The following HIP1 variants were observed in gnomAD, a reference collection of about 807,000 sequenced individuals.
HIP1 encodes the protein huntingtin interacting protein 1.
Under a neutral mutation model 147.6 loss-of-function variants are expected in HIP1, and 65 were observed. The ratio of observed to expected loss-of-function variants is 0.44; its 90% CI spans 0.36 to 0.54. The LOEUF is 0.54. Ranked by LOEUF, HIP1 falls within the 20% of genes least tolerant of loss-of-function variation. The probability of loss-of-function intolerance (pLI) is 0.00; values close to 1 mark genes in which losing one functional copy is unlikely to be tolerated. For missense variants in HIP1, 1,061 were observed against 1,299.6 expected, an observed-to-expected ratio of 0.82 and a Z score of 2.82; for synonymous variants, 479 against 504.0, an observed-to-expected ratio of 0.95 and a Z score of 0.67.
intron 1 of HIP1, among the ~76,000 whole-genome samples, chr7:75,720,145 GT>G (rs1403461066): frequency 6.6e-6 from 1 of 151,946 alleles, no homozygotes; most frequent in East Asian, 1.9e-4. Flanking sequence ...TTTTTGTTTT[GT>G]TTTGTTTTTG....
At chr7:75,690,820 C>G (rs1800425193) in intron 1 of HIP1, among the ~76,000 whole-genome samples, 1 of 152,008 alleles carries the variant, frequency 6.6e-6, no homozygotes, top group African/African-American at 2.4e-5. Context: ...CGAGATCGCG[C>G]CATTTGCACT....
rs1272706798 is a variant in HIP1 at position 75,639,339 on chromosome 7, G to A, written c.121-40092C>T. On this transcript the variant is annotated intron_variant, in intron 1 of 30. Transcript: ENST00000336926. ...GGGCGGGGGAGGCGCGGCCCCGCCG[G>A]CAGAGACCGGCGCGCCCGAGCCCCC... 1.5e-3 allele frequency: 503 copies of A among 327,518 alleles called. 2 individuals carry two copies. Among genetic ancestry groups the A allele is most frequent in the African/African-American group, 0.011 (473 of 44,226 alleles). The allele number at this position is 327,518 out of a possible 1,614,324, so 20.3% of individuals were successfully genotyped here. A position where few individuals can be genotyped will look rare whatever the true frequency, so the allele number is the denominator to read the frequency against.
At chr7:75,553,623 G>C (rs1055934168) in intron 21 of HIP1, 34 bp from the exon 22 acceptor site, 47 of 1,594,994 alleles carry the variant, frequency 2.9e-5, no homozygotes, top group Non-Finnish European at 3.9e-5. Context: ...CTTTTTTTTT[G>C]AGATGGAGTC....
chr7:75,692,859 T>A (rs1475128082), intron 1 of HIP1, among the ~76,000 whole-genome samples: 1 of 152,056 alleles, frequency 6.6e-6, no homozygotes. Flanking sequence ...TAGTAAATAA[T>A]CAGTGTATAA....
chr7:75,591,882 C>G (rs587698472), intron 4 of HIP1, among the ~76,000 whole-genome samples, 174 bp downstream of exon 4: 11 of 152,250 alleles, frequency 7.2e-5, no homozygotes, highest in Admixed American at 6.5e-4. Flanking sequence ...CCAGGCAAGA[C>G]TATGGATATC....
At chr7:75,667,138 G>GA (rs1305119470) in intron 1 of HIP1, among the ~76,000 whole-genome samples, 6 of 151,944 alleles carry the variant, frequency 3.9e-5, no homozygotes, top group South Asian at 2.1e-4. Flanking sequence ...TAATTAACAG[G>GA]AAAAAAATGT....
At chr7:75,647,293 G>C (rs1290384714) in intron 1 of HIP1, among the ~76,000 whole-genome samples, 1 of 150,068 alleles carries the variant, frequency 6.7e-6, no homozygotes, top group Non-Finnish European at 1.5e-5. Context: ...AGCTACACGG[G>C]AGACTGAGGC....
chr7:75,563,862 T>C (rs1795315944), intron 9 of HIP1, among the ~76,000 whole-genome samples: 1 of 152,226 alleles, frequency 6.6e-6, no homozygotes, highest in African/African-American at 2.4e-5. Context: ...TGGGTGGATA[T>C]GCACATGAAG....
intron 1 of HIP1, among the ~76,000 whole-genome samples, chr7:75,606,282 C>T (rs1485910903): frequency 2.0e-5 from 3 of 152,112 alleles, no homozygotes; most frequent in Non-Finnish European, 2.9e-5. Context: ...CTCCGGGTTA[C>T]AGGGAGACAG....
intron 1 of HIP1, among the ~76,000 whole-genome samples, chr7:75,658,526 G>A (rs1253655678): frequency 6.6e-6 from 1 of 152,134 alleles, no homozygotes; most frequent in Non-Finnish European, 1.5e-5. Flanking sequence ...GCTGAATTTT[G>A]CGGGCAGGAA....
intron 2 of HIP1, among the ~76,000 whole-genome samples, chr7:75,597,263 T>C (rs1554502111): frequency 6.6e-6 from 1 of 152,178 alleles, no homozygotes; most frequent in Non-Finnish European, 1.5e-5. Flanking sequence ...CAGCAGTTCA[T>C]ATATCACACT....
Position 75,537,670 on chromosome 7 carries a change from CTG to C in HIP1, c.*500_*501del. 1.4e-4 allele frequency: 32 copies of C among 235,768 alleles called. No individual in the cohort carries two copies. Among genetic ancestry groups the C allele is most frequent in the South Asian group, 8.6e-4 (5 of 5,814 alleles). 14.6% of individuals were successfully genotyped at this position (235,768 alleles called of 1,614,324 possible). On this transcript the variant is annotated 3_prime_UTR_variant, in exon 31 of 31. Transcript: ENST00000336926. The stretch of plus-strand genomic sequence containing the variant: ...ACTGTGCAGATCTCAGGGTAGTGTC[CTG>C]GTTTGGAATCCATCAGCCCTCTGAT...
chr7:75,635,777 G>C (rs1363903201), intron 1 of HIP1, among the ~76,000 whole-genome samples: 1 of 151,826 alleles, frequency 6.6e-6, no homozygotes. Context: ...AATCCCAGCA[G>C]TTTGGGAGGC....
chr7:75,644,857 G>C (rs1563266151), intron 1 of HIP1, among the ~76,000 whole-genome samples: 2 of 152,150 alleles, frequency 1.3e-5, no homozygotes, highest in Non-Finnish European at 2.9e-5. Flanking sequence ...TGTGATCCTG[G>C]TGGCTCTGGC....
intron 1 of HIP1, among the ~76,000 whole-genome samples, chr7:75,614,401 A>G (rs1797560245): frequency 6.6e-6 from 1 of 152,166 alleles, no homozygotes; most frequent in African/African-American, 2.4e-5. Context: ...AGACACACAC[A>G]CACACACACA....
intron 1 of HIP1, among the ~76,000 whole-genome samples, chr7:75,608,610 A>G (rs781861127): frequency 1.3e-5 from 2 of 152,206 alleles, no homozygotes; most frequent in African/African-American, 2.4e-5. Flanking sequence ...AAGCGTGACC[A>G]TCTGGAAGCA....
intron 1 of HIP1, among the ~76,000 whole-genome samples, chr7:75,666,579 G>A (rs1289503514): frequency 1.3e-5 from 2 of 152,210 alleles, no homozygotes; most frequent in Non-Finnish European, 2.9e-5. Context: ...TCTCCACTGC[G>A]TGGTCTTCTA....
intron 1 of HIP1, among the ~76,000 whole-genome samples, chr7:75,681,733 C>G (rs1274880867): frequency 6.6e-6 from 1 of 151,784 alleles, no homozygotes; most frequent in African/African-American, 2.4e-5. Flanking sequence ...CCTTGAACTC[C>G]TGGCCTTAAG....
chr7:75,611,794 C>G, intron 1 of HIP1: 1 of 1,036,304 alleles, frequency 9.6e-7, no homozygotes, highest in Non-Finnish European at 1.2e-6. Flanking sequence ...CCACCACTTC[C>G]TGACCCAGCA....
Sources: allele counts gnomAD v4.1 joint callset (sites outside exome capture counted in the v4.1 genomes callset), GRCh38; gene constraint gnomAD v4.1.1; transcripts MANE v1.5; gene names NCBI Gene and HGNC (gene_info 2026-07-23, HGNC 2026-07-21).